ACSM2B: variants seen among roughly 807,000 people sequenced by gnomAD.
ACSM2B encodes acyl-CoA synthetase medium chain family member 2B.
Under a neutral mutation model 78.6 loss-of-function variants are expected in ACSM2B, and 58 were observed. That is an observed-to-expected ratio of 0.74 (90% CI 0.60 to 0.92). ACSM2B has a LOEUF of 0.92. ACSM2B is among the 40% of genes least tolerant of loss of function. The pLI, the probability that ACSM2B is intolerant of heterozygous loss-of-function variation, is 0.00. For synonymous variants in ACSM2B, 257 were observed against 256.8 expected (o/e 1.00, Z -0.01); for missense variants, 688 against 711.2 (o/e 0.97, Z 0.37).
intron 2 of ACSM2B, 106 bp downstream of exon 2, chr16:20,564,563 G>A: frequency 1.4e-6 from 2 of 1,477,900 alleles, no homozygotes; most frequent in Middle Eastern, 1.8e-4. Context: ...GCTTATTACA[G>A]TGCCTTACAT....
chr16:20,571,246 C>T (rs188693462), intron 1 of ACSM2B, among the ~76,000 whole-genome samples: 1 of 152,106 alleles, frequency 6.6e-6, no homozygotes, highest in African/African-American at 2.4e-5. Context: ...TTGCTGTATC[C>T]TAGAAGTTTT....
intron 6 of ACSM2B, among the ~76,000 whole-genome samples, chr16:20,550,497 T>A (rs1428221232): frequency 6.6e-6 from 1 of 152,214 alleles, no homozygotes; most frequent in African/African-American, 2.4e-5. Context: ...TTCATTTTTT[T>A]AATGGTGGAA....
chr16:20,537,859 C>T (rs962360827), intron 13 of ACSM2B, among the ~76,000 whole-genome samples: 6 of 152,158 alleles, frequency 3.9e-5, no homozygotes, highest in African/African-American at 1.4e-4. Context: ...AATCTGAGGT[C>T]TTTAGACATG....
chr16:20,542,922 G>A lies in ACSM2B; in HGVS notation c.1501C>T (p.Arg501Ter), dbSNP rs144083874. 48 of 1,613,488 alleles carry A rather than the reference G, an allele frequency of 3.0e-5. No individual in the cohort carries two copies. Among genetic ancestry groups the A allele is most frequent in the East Asian group, 4.5e-5 (2 of 44,898 alleles). Residue 501 changes from arginine to a stop codon, truncating the protein, a stop_gained, in exon 12 of 14, where the codon CGA (arginine) becomes TGA (stop). Coordinates refer to ENST00000329697, the MANE Select transcript of ACSM2B (RefSeq NM_001105069.2). LOFTEE classifies it high-confidence loss of function. ...TAVISSPDPVRGEVVKAFVIL... is the reference protein window; with the variant it reads ...TAVISSPDPV ...TACTGCTTCCCCATCACCTCTCCTCGGACGGGGTCTGGGCTGCTGATCACA... is the reference window on the plus strand; with the variant it reads ...TACTGCTTCCCCATCACCTCTCCTCAGACGGGGTCTGGGCTGCTGATCACA...
intron 1 of ACSM2B, among the ~76,000 whole-genome samples, chr16:20,570,828 C>T (rs2016071479): frequency 6.6e-6 from 1 of 151,772 alleles, no homozygotes; most frequent in African/African-American, 2.4e-5. Flanking sequence ...AGAATTTATC[C>T]ATCTCCTCTA....
At chr16:20,557,856 C>T (rs1248099097) in intron 3 of ACSM2B, among the ~76,000 whole-genome samples, 1 of 152,188 alleles carries the variant, frequency 6.6e-6, no homozygotes, top group Non-Finnish European at 1.5e-5. Context: ...GGAAATCTGA[C>T]ATAGCTGACT....
chr16:20,544,927 C>T, intron 10 of ACSM2B: 1 of 1,100,096 alleles, frequency 9.1e-7, no homozygotes, highest in South Asian at 2.6e-5. Context: ...AGTCTAAGGG[C>T]TAACTGAAGA....
chr16:20,545,354 C>T, intron 9 of ACSM2B, 96 bp from the exon 10 acceptor site: 2 of 1,446,364 alleles, frequency 1.4e-6, no homozygotes, highest in Non-Finnish European at 1.9e-6. Context: ...GAAAGACTCT[C>T]TTGCTCTAGT....
At chr16:20,541,905 A>C (rs1414188107) in intron 12 of ACSM2B, 9 of 151,984 alleles carry the variant, frequency 5.9e-5, no homozygotes, top group African/African-American at 2.2e-4. Flanking sequence ...CTGGTCTTGG[A>C]CTCCTGACCT....
chr16:20,561,964 T>C (rs1290150363), intron 2 of ACSM2B, among the ~76,000 whole-genome samples: 4 of 12,064 alleles, frequency 3.3e-4, no homozygotes, highest in Non-Finnish European at 2.8e-4. Context: ...ACATGCAGTG[T>C]TTGGTTTTTT....
intron 10 of ACSM2B, among the ~76,000 whole-genome samples, 197 bp from the exon 11 acceptor site, chr16:20,543,459 T>TCC (rs1216009237): frequency 6.6e-6 from 1 of 152,246 alleles, no homozygotes; most frequent in African/African-American, 2.4e-5. Context: ...ATTGAAGTTA[T>TCC]TCCACCCAGG....
intron 1 of ACSM2B, 87 bp from the exon 2 acceptor site, chr16:20,564,940 C>A: frequency 2.0e-6 from 3 of 1,502,706 alleles, no homozygotes; most frequent in Middle Eastern, 1.9e-4. Context: ...TTCATCCCAA[C>A]CTTATAGGAT....
chr16:20,570,615 T>C (rs1478209482), intron 1 of ACSM2B, among the ~76,000 whole-genome samples: 1 of 151,832 alleles, frequency 6.6e-6, no homozygotes, highest in East Asian at 1.9e-4. Context: ...TCTTGTGGAA[T>C]AGCGTCGATA....
chr16:20,573,451 G>C (rs1182964528), intron 1 of ACSM2B, among the ~76,000 whole-genome samples: 22 of 149,136 alleles, frequency 1.5e-4, no homozygotes, highest in East Asian at 8.0e-4. Flanking sequence ...GTTAGGGAGA[G>C]AATGCTGTCA....
intron 13 of ACSM2B, 121 bp downstream of exon 13, chr16:20,540,533 A>G (rs28750179): frequency 0.85 from 1,275,259 of 1,491,872 alleles, 547,405 homozygotes; most frequent in African/African-American, 0.97. Flanking sequence ...GTCAGCCACC[A>G]TGTCCGGCCC....
intron 1 of ACSM2B, among the ~76,000 whole-genome samples, chr16:20,566,701 T>C (rs1486387278): frequency 7.2e-4 from 1 of 1,382 alleles, no homozygotes; most frequent in African/African-American, 1.2e-3. Context: ...ATATATAGTA[T>C]ATATATAGTA....
Position 20,552,212 on chromosome 16 carries a change from A to C in ACSM2B, c.826T>G (p.Ser276Ala), listed in dbSNP as rs749812864. The change falls in exon 6 of 14, where the codon TCT becomes GCT. Residue 276 changes from serine (S) to alanine (A), a missense_variant. Transcript: ENST00000329697. ...AATGTGCATGCTCCTAATGTCCAAG[A>C]TTCCAAAAGTGAGCCCAAGATGTTC... ...ILNILGSLLE[S>A]WTLGACTFVH... The C allele has an allele frequency of 5.0e-6, 8 of 1,613,750 alleles. No individual in the cohort carries two copies. Among genetic ancestry groups the C allele is most frequent in the Non-Finnish European group, 6.8e-6 (8 of 1,179,818 alleles).
intron 2 of ACSM2B, among the ~76,000 whole-genome samples, chr16:20,562,394 A>G (rs1273121028): frequency 6.6e-6 from 1 of 152,152 alleles, no homozygotes; most frequent in Non-Finnish European, 1.5e-5. Flanking sequence ...TTTATTAGCT[A>G]TTTCAAAATT....
At chr16:20,544,287 C>T (rs1279751721) in intron 10 of ACSM2B, among the ~76,000 whole-genome samples, 12 of 152,136 alleles carry the variant, frequency 7.9e-5, no homozygotes, top group South Asian at 2.1e-4. Flanking sequence ...AACACACTCA[C>T]GACACACAAC....
Sources: gnomAD v4.1 joint callset for allele counts (sites outside exome capture counted in the v4.1 genomes callset) on GRCh38, gnomAD v4.1.1 for gene constraint, MANE v1.5 for transcripts, NCBI Gene and HGNC (gene_info 2026-07-23, HGNC 2026-07-21) for gene names.